PTPN12: variants seen among roughly 807,000 people sequenced by gnomAD.
The protein encoded by PTPN12 is tyrosine-protein phosphatase non-receptor type 12.
PTPN12 carries 29 observed loss-of-function variants against 97.6 expected under a neutral mutation model. That is an observed-to-expected ratio of 0.30 (90% CI 0.22 to 0.41). The LOEUF (loss-of-function observed/expected upper bound fraction) is 0.41. Ranked by LOEUF, PTPN12 falls within the 10% of genes least tolerant of loss-of-function variation. The pLI, the probability that PTPN12 is intolerant of heterozygous loss-of-function variation, is 1.00. For synonymous variants in PTPN12, 327 were observed against 300.4 expected, an observed-to-expected ratio of 1.09 and a Z score of -0.91; for missense variants, 819 against 926.0, an observed-to-expected ratio of 0.88 and a Z score of 1.50.
intron 1 of PTPN12, among the ~76,000 whole-genome samples, chr7:77,554,088 C>T (rs866955253): frequency 1.3e-5 from 2 of 152,140 alleles, no homozygotes; most frequent in South Asian, 4.1e-4. Flanking sequence ...GCCTCAGCCT[C>T]CTGAGTAGCT....
intron 1 of PTPN12, among the ~76,000 whole-genome samples, chr7:77,551,209 C>T (rs570728526): frequency 9.2e-5 from 14 of 152,106 alleles, no homozygotes; most frequent in South Asian, 4.1e-4. Flanking sequence ...TACAGGTGTG[C>T]GCCACCACAC....
intron 8 of PTPN12, 62 bp from the exon 9 acceptor site, chr7:77,607,171 CCA>C (rs1414979963): frequency 2.2e-5 from 28 of 1,257,872 alleles, no homozygotes; most frequent in Admixed American, 4.4e-5. Flanking sequence ...ACATGTCTAT[CCA>C]CATTTATTTT....
intron 2 of PTPN12, among the ~76,000 whole-genome samples, chr7:77,571,716 T>C (rs1787146960): frequency 1.3e-5 from 2 of 151,806 alleles, no homozygotes; most frequent in Non-Finnish European, 2.9e-5. Context: ...TATTTATTTA[T>C]TTATTTGTTT....
intron 1 of PTPN12, chr7:77,538,910 G>A (rs1806813486): frequency 6.6e-6 from 1 of 152,114 alleles, no homozygotes; most frequent in Admixed American, 6.5e-5. Context: ...GTCTTGGCGG[G>A]GGTTGGGAAT....
At chr7:77,538,375 C>G (rs564461707) in intron 1 of PTPN12, among the ~76,000 whole-genome samples, 2 of 150,356 alleles carry the variant, frequency 1.3e-5, no homozygotes, top group South Asian at 2.1e-4. Context: ...GGAAGCCAGC[C>G]GACTTCGGAC....
At chr7:77,561,441 G>A (rs758084214) in intron 1 of PTPN12, among the ~76,000 whole-genome samples, 21 of 152,180 alleles carry the variant, frequency 1.4e-4, no homozygotes, top group Non-Finnish European at 2.9e-4. Flanking sequence ...GAGGGTGTAG[G>A]AGTTAGTGGT....
chr7:77,625,240 A>G (rs1789092880), intron 12 of PTPN12, among the ~76,000 whole-genome samples: 1 of 150,782 alleles, frequency 6.6e-6, no homozygotes, highest in African/African-American at 2.4e-5. Flanking sequence ...AGTAAACCCT[A>G]TCTTCTTCTT....
intron 6 of PTPN12, among the ~76,000 whole-genome samples, chr7:77,597,404 T>G (rs928151355): frequency 9.9e-5 from 15 of 152,230 alleles, no homozygotes; most frequent in Non-Finnish European, 2.1e-4. Context: ...ATTACAGGCA[T>G]GAGCCACTGC....
At chr7:77,607,911 G>A (rs751833024) in intron 9 of PTPN12, among the ~76,000 whole-genome samples, 2 of 151,964 alleles carry the variant, frequency 1.3e-5, no homozygotes, top group Admixed American at 6.6e-5. Flanking sequence ...CTGCCATCAC[G>A]CCCAGCTAAT....
chr7:77,571,292 T>TA, intron 2 of PTPN12, 106 bp downstream of exon 2: 1 of 660,650 alleles, frequency 1.5e-6, no homozygotes, highest in Non-Finnish European at 2.6e-6. Flanking sequence ...AAGTAGTAAT[T>TA]AACCTATCTT....
At chr7:77,580,874 C>T (rs750623698) in intron 2 of PTPN12, among the ~76,000 whole-genome samples, 4 of 152,098 alleles carry the variant, frequency 2.6e-5, no homozygotes, top group Non-Finnish European at 4.4e-5. Flanking sequence ...GGTTAGTATT[C>T]ATCAGCCACT....
chr7:77,604,376 C>T (rs1482990148), intron 8 of PTPN12, among the ~76,000 whole-genome samples: 2 of 151,572 alleles, frequency 1.3e-5, no homozygotes, highest in African/African-American at 2.4e-5. Context: ...CCACCACACC[C>T]GGTTAATTTT....
chr7:77,614,212 T>C (rs1008021036), intron 11 of PTPN12, among the ~76,000 whole-genome samples: 1 of 152,226 alleles, frequency 6.6e-6, no homozygotes, highest in African/African-American at 2.4e-5. Context: ...AACTTTTAAC[T>C]ATATTTAAAT....
chr7:77,584,433 A>G (rs900361239), intron 4 of PTPN12, among the ~76,000 whole-genome samples: 1 of 152,226 alleles, frequency 6.6e-6, no homozygotes, highest in Non-Finnish European at 1.5e-5. Flanking sequence ...AACTTTCTGG[A>G]TGATGGGAAC....
intron 13 of PTPN12, among the ~76,000 whole-genome samples, chr7:77,630,808 G>C (rs1789372347): frequency 6.6e-6 from 1 of 152,184 alleles, no homozygotes; most frequent in African/African-American, 2.4e-5. Flanking sequence ...CCCATACAGT[G>C]TATGATTTGC....
chr7:77,620,710 T>C (rs1354198504), intron 12 of PTPN12, among the ~76,000 whole-genome samples: 2 of 148,736 alleles, frequency 1.3e-5, no homozygotes, highest in African/African-American at 5.0e-5. Flanking sequence ...AGCACTTTGG[T>C]AGGCCAAGGC....
At chr7:77,555,280 C>A (rs1584101372) in intron 1 of PTPN12, among the ~76,000 whole-genome samples, 2 of 141,982 alleles carry the variant, frequency 1.4e-5, no homozygotes, top group African/African-American at 5.2e-5. Context: ...GGCATTTATT[C>A]TGATCAGTGT....
intron 2 of PTPN12, among the ~76,000 whole-genome samples, chr7:77,571,796 G>A (rs1487236931): frequency 6.6e-6 from 1 of 151,864 alleles, no homozygotes; most frequent in Non-Finnish European, 1.5e-5. Context: ...GAGCTCATAC[G>A]ATCCTCCCAC....
intron 13 of PTPN12, among the ~76,000 whole-genome samples, chr7:77,628,981 CT>C (rs1738144722): frequency 6.6e-6 from 1 of 152,160 alleles, no homozygotes; most frequent in African/African-American, 2.4e-5. Flanking sequence ...CAGAGTTTTG[CT>C]CTTGTTGCCC....
Sources: gnomAD v4.1 joint callset for allele counts (sites outside exome capture counted in the v4.1 genomes callset) on GRCh38, gnomAD v4.1.1 for gene constraint, MANE v1.5 for transcripts, NCBI Gene and HGNC (gene_info 2026-07-23, HGNC 2026-07-21) for gene names.